Variants in TSC2 observed in about 807,000 individuals in gnomAD.
TSC2 encodes TSC complex subunit 2.
In TSC2, 29 loss-of-function variants were observed where a neutral mutation model predicts 202.2. The observed-to-expected ratio is 0.14, with a 90% CI of 0.11 to 0.20. The LOEUF (loss-of-function observed/expected upper bound fraction) is 0.20. Among genes scored for constraint, TSC2 ranks in the 10% least tolerant of loss-of-function variants. TSC2 has a pLI of 1.00. For synonymous variants in TSC2, 1,349 were observed against 1,044.0 expected, an observed-to-expected ratio of 1.29 and a Z score of -5.63; for missense variants, 2,429 against 2,420.0, an observed-to-expected ratio of 1.00 and a Z score of -0.08.
chr16:2,079,660 T>G lies in TSC2; in HGVS notation c.3388T>G (p.Ser1130Ala), dbSNP rs770048768. 1.3e-6 allele frequency: 2 copies of G among 1,594,268 alleles called. No homozygotes were observed. The highest frequency in any genetic ancestry group is 2.7e-5 in the African/African-American group (2 of 74,634). The change falls in exon 29 of 42, where the codon TCC (serine) becomes GCC (alanine). Residue 1130 changes from serine (S) to alanine (A), a missense_variant. Coordinates refer to ENST00000219476, the MANE Select transcript of TSC2 (RefSeq NM_000548.5). The surrounding 1 kb of genome is among the most constrained non-coding windows in gnomAD (Gnocchi z 4.6). ...VSRGARDRVR[S>A]MSGGHGLRVG... The stretch of plus-strand genomic sequence containing the variant: ...CCGTGGGGCCCGGGATCGGGTCCGT[T>G]CCATGTCGGGTGAGCCTTGGCCCCA...
chr16:2,049,097 T>TA (rs1256836379), intron 2 of TSC2, among the ~76,000 whole-genome samples: 1 of 151,748 alleles, frequency 6.6e-6, no homozygotes, highest in African/African-American at 2.4e-5. Context: ...TATTTTATTT[T>TA]TTTTTTGAGA....
intron 24 of TSC2, 75 bp from the exon 25 acceptor site, chr16:2,076,416 G>T: frequency 6.3e-7 from 1 of 1,593,030 alleles, no homozygotes; most frequent in Non-Finnish European, 8.6e-7. Flanking sequence ...TGGCCAGGGG[G>T]CACCCGGCAG....
rs539138636 is a variant in TSC2, at chr16:2,086,627, C to T, written c.4850-105C>T. The T allele has an allele frequency of 1.9e-4, 290 of 1,553,852 alleles. 1 individual carries two copies. Among genetic ancestry groups the T allele is most frequent in the Non-Finnish European group, 2.3e-4 (268 of 1,153,370 alleles). On this transcript the variant is annotated intron_variant, in intron 37 of 41. Transcript: ENST00000219476. ...GCCAGGCACCAGAGGACGTGGTCCC[C>T]GCAGGCCCCCAGAGCCCCTGGAGTA... is the stretch of plus-strand genomic sequence containing the variant.
Position 2,053,416 on chromosome 16 carries a change from G to T in TSC2, c.300G>T (p.Ala100=), listed in dbSNP as rs45517100. 1 of 1,585,520 alleles carries T rather than the reference G, an allele frequency of 6.3e-7. No homozygotes were observed. Among genetic ancestry groups the T allele is most frequent in the Admixed American group, 1.8e-5 (1 of 55,960 alleles). Residue 100 remains alanine, a synonymous_variant, in exon 4 of 42, where the codon GCG becomes GCT. Transcript: ENST00000219476. The part of the protein sequence containing the change: ...QPERPLEARH[A]VLALLKAIVQ... ...AGCGGCCGCTGGAGGCCCGGCACGC[G>T]GTGCTGGCTCTGCTGAAGGCCATCG...
rs376175375 is a variant in TSC2, at chr16:2,054,276, C to T, written c.337-20C>T. 2 of 1,614,134 alleles carry T rather than the reference C, an allele frequency of 1.2e-6. No individual in the cohort carries two copies. The highest frequency in any genetic ancestry group is 8.5e-7 in the Non-Finnish European group (1 of 1,180,022). ...GGCGACGCTGGCAGGCTCTGCTGATCCTGTGGCTTTTGTCTTTAGGGCGAG... is the reference window on the plus strand; with the variant it reads ...GGCGACGCTGGCAGGCTCTGCTGATTCTGTGGCTTTTGTCTTTAGGGCGAG... On this transcript the variant is annotated intron_variant, in intron 4 of 41. Transcript: ENST00000219476.
chr16:2,077,158 A>G (rs565182831), intron 25 of TSC2, among the ~76,000 whole-genome samples: 75 of 152,220 alleles, frequency 4.9e-4, no homozygotes, highest in African/African-American at 1.7e-3. Context: ...GCCAGAGACT[A>G]CTTTCTGGGG....
At chr16:2,051,996 C>T (rs1463426042) in intron 3 of TSC2, among the ~76,000 whole-genome samples, 1 of 152,132 alleles carries the variant, frequency 6.6e-6, no homozygotes, top group Non-Finnish European at 1.5e-5. Flanking sequence ...ACTCAGGAGG[C>T]AGAGGTTGTG....
At chr16:2,061,629 A>G in intron 11 of TSC2, 1 of 582,636 alleles carries the variant, frequency 1.7e-6, no homozygotes, top group Non-Finnish European at 3.1e-6. Context: ...GCCCCTTGAG[A>G]GGATCTGGGG....
At position 2,064,334 on chromosome 16, in the gene TSC2, C is replaced by G; in HGVS notation, c.1506C>G (p.His502Gln). The change falls in exon 15 of 42, where the codon CAC (histidine) becomes CAG (glutamine). Residue 502 changes from histidine to glutamine, a missense_variant. Transcript: ENST00000219476. Reference sequence around the variant, plus strand: ...CCCACATCCCCGAGGATAAAGACCACCAGGTCCGAAAGCTGGCCACCCAGT... The same window carrying G: ...CCCACATCCCCGAGGATAAAGACCAGCAGGTCCGAAAGCTGGCCACCCAGT... ...QLSHIPEDKD[H>Q]QVRKLATQLL... 6.2e-7 allele frequency: 1 copy of G among 1,613,868 alleles called. No individual in the cohort carries two copies. Among genetic ancestry groups the G allele is most frequent in the South Asian group, 1.1e-5 (1 of 91,084 alleles).
At chr16:2,050,008 C>T (rs62038802) in intron 2 of TSC2, among the ~76,000 whole-genome samples, 2 of 143,668 alleles carry the variant, frequency 1.4e-5, no homozygotes, top group East Asian at 2.1e-4. Context: ...CAGGCTGGAG[C>T]GCAGGGGCGC....
At chr16:2,085,344 A>G (rs2090639285) in intron 36 of TSC2, 22 bp downstream of exon 36, 3 of 1,611,966 alleles carry the variant, frequency 1.9e-6, no homozygotes, top group African/African-American at 1.3e-5. Context: ...GGGCCGGCCT[A>G]GGTGCCTGGA....
intron 11 of TSC2, chr16:2,061,234 C>T (rs1008651690): frequency 2.8e-5 from 9 of 316,962 alleles, no homozygotes; most frequent in African/African-American, 1.5e-4. Context: ...GGCTCATCAG[C>T]ATAGGGGCCC....
rs554900745 is a variant in TSC2 at position 2,064,439 on chromosome 16, T to C, written c.1599+12T>C. The C allele has an allele frequency of 1.9e-6, 3 of 1,612,946 alleles. No homozygotes were observed. Among genetic ancestry groups the C allele is most frequent in the Non-Finnish European group, 2.5e-6 (3 of 1,180,008 alleles). On this transcript the variant is annotated intron_variant, in intron 15 of 41. Transcript: ENST00000219476. ...ACATCATCGAGAAGGTGAGAGCCGT[T>C]GTACCCGGGGCCGGGTGCTAGCGTG...
chr16:2,078,326 A>T (rs1009810934), intron 26 of TSC2: 23 of 163,192 alleles, frequency 1.4e-4, no homozygotes, highest in Middle Eastern at 6.2e-3. Context: ...GCACTGGCAG[A>T]GGGGATACCT....
rs2090503435 is a variant in TSC2, at chr16:2,084,412, T to A, written c.4190T>A (p.Ile1397Asn). Residue 1397 changes from isoleucine to asparagine, a missense_variant, in exon 34 of 42, where the codon ATC (isoleucine) becomes AAC (asparagine). Ile to Asn is a moderately radical substitution (Grantham distance 149, BLOSUM62 -3). Coordinates refer to ENST00000219476, the MANE Select transcript of TSC2 (RefSeq NM_000548.5). ...CCCGAGCTGCAGACTCTGCAGGACA[T>A]CCTCGGGGACCCTGGGGACAAGGCC... ...SSPELQTLQDILGDPGDKADV... is the reference protein window; with the variant it reads ...SSPELQTLQDNLGDPGDKADV... The A allele has an allele frequency of 6.2e-7, 1 of 1,611,762 alleles. No individual in the cohort carries two copies. The highest frequency in any genetic ancestry group is 1.1e-5 in the South Asian group (1 of 90,824).
chr16:2,048,902 TCCTC>T (rs2150977237), intron 2 of TSC2, 149 bp downstream of exon 2: 1 of 1,147,500 alleles, frequency 8.7e-7, no homozygotes, highest in East Asian at 2.5e-5. Flanking sequence ...GACATGTCCT[TCCTC>T]AGGAGACTTC....
intron 32 of TSC2, chr16:2,083,332 C>T (rs13335062): frequency 0.019 from 8,650 of 457,486 alleles, 626 homozygotes; most frequent in African/African-American, 0.15. Context: ...CAGCTCTCCT[C>T]GGTTACGAGG....
In TSC2 at chr16:2,088,653, CTGTCAGTGAAATAAA is replaced by C. The variant is rs745443833; in HGVS notation, c.*45_*59del. 1 of 1,574,166 alleles carries C rather than the reference CTGTCAGTGAAATAAA, an allele frequency of 6.4e-7. No individual in the cohort carries two copies. Among genetic ancestry groups the C allele is most frequent in the South Asian group, 1.1e-5 (1 of 88,592 alleles). On this transcript the variant is annotated 3_prime_UTR_variant, in exon 42 of 42. Transcript: ENST00000219476. ...CTGCACTGGCCTTGGACGGTATTGC[CTGTCAGTGAAATAAA>C]TAAAGTCCTGACCCCAGTGCACAGA...
In TSC2 at chr16:2,058,863, C is replaced by T. The variant is rs1345813917; in HGVS notation, c.965C>T (p.Ser322Leu). 5 of 1,608,382 alleles carry T rather than the reference C, an allele frequency of 3.1e-6. No individual in the cohort carries two copies. The highest frequency in any genetic ancestry group is 4.2e-6 in the Non-Finnish European group (5 of 1,177,530). Residue 322 changes from serine to leucine, a missense_variant, in exon 10 of 42, where the codon TCA (serine) becomes TTA (leucine). Transcript: ENST00000219476. Reference protein sequence around the residue: ...LRNSPTSVLPSFYQAMACPNE... With the variant: ...LRNSPTSVLPLFYQAMACPNE... The stretch of plus-strand genomic sequence containing the variant: ...AACTCGCCGACATCTGTGTTGCCAT[C>T]ATTTTACCAGGTAAGGCGGTTTCTG...
Sources: allele counts gnomAD v4.1 joint callset (sites outside exome capture counted in the v4.1 genomes callset), GRCh38; gene constraint gnomAD v4.1.1; non-coding constraint Gnocchi (gnomAD v3.1); transcripts MANE v1.5; gene names NCBI Gene and HGNC (gene_info 2026-07-23, HGNC 2026-07-21).